The following NAALADL2 variants were observed in gnomAD, a reference collection of about 807,000 sequenced individuals.
NAALADL2 encodes inactive N-acetylated-alpha-linked acidic dipeptidase-like protein 2.
In NAALADL2, 76 loss-of-function variants were observed where a neutral mutation model predicts 87.2. The ratio of observed to expected loss-of-function variants is 0.87; its 90% CI spans 0.72 to 1.05. The LOEUF is 1.05. Ranked by LOEUF, NAALADL2 falls within the 50% of genes least tolerant of loss-of-function variation. The pLI is 0.00. For missense variants in NAALADL2, 1,089 were observed against 945.8 expected (o/e 1.15, Z -1.99); for synonymous variants, 354 against 331.0 (o/e 1.07, Z -0.75).
At chr3:175,511,106 A>G (rs758566381) in intron 9 of NAALADL2, among the ~76,000 whole-genome samples, 3 of 152,178 alleles carry the variant, frequency 2.0e-5, no homozygotes, top group Admixed American at 1.3e-4. Context: ...GTAAGATAGT[A>G]AAAGTCAAAT....
chr3:175,757,908 ATTTAC>A (rs1747473979), intron 13 of NAALADL2, among the ~76,000 whole-genome samples: 2 of 152,090 alleles, frequency 1.3e-5, no homozygotes, highest in Admixed American at 6.5e-5. Context: ...AAATTATTCT[ATTTAC>A]TTTAAAGAAA....
intron 5 of NAALADL2, among the ~76,000 whole-genome samples, chr3:175,371,342 A>G (rs1581624177): frequency 6.6e-6 from 1 of 152,086 alleles, no homozygotes; most frequent in African/African-American, 2.4e-5. Flanking sequence ...ATCTCGGCTC[A>G]CTGCAAGCTC....
chr3:175,230,051 G>A (rs997805779), intron 2 of NAALADL2, among the ~76,000 whole-genome samples: 4 of 151,922 alleles, frequency 2.6e-5, no homozygotes, highest in Admixed American at 6.6e-5. Context: ...ACTCATATAC[G>A]ACAGAGTTGT....
chr3:175,064,916 G>A (rs1050925285), intron 1 of NAALADL2, among the ~76,000 whole-genome samples: 2 of 151,916 alleles, frequency 1.3e-5, no homozygotes, highest in Non-Finnish European at 2.9e-5. Context: ...AAGCTTTTTT[G>A]TTACCTTAAG....
At chr3:175,802,627 T>C (rs531773823) in intron 13 of NAALADL2, among the ~76,000 whole-genome samples, 60 of 147,370 alleles carry the variant, frequency 4.1e-4, no homozygotes, top group Non-Finnish European at 7.3e-4. Context: ...ATCTATATTT[T>C]GCTAATGACA....
chr3:174,591,615 C>T (rs1405547322), intron 2 of NAALADL2, among the ~76,000 whole-genome samples: 1 of 152,144 alleles, frequency 6.6e-6, no homozygotes, highest in African/African-American at 2.4e-5. Flanking sequence ...CAAAGTTCAC[C>T]TTGCACACTT....
At chr3:174,566,348 A>G (rs1714260075) in intron 2 of NAALADL2, among the ~76,000 whole-genome samples, 1 of 151,792 alleles carries the variant, frequency 6.6e-6, no homozygotes, top group Non-Finnish European at 1.5e-5. Flanking sequence ...TAGTTTTCTG[A>G]GTTCTATTAC....
At chr3:175,640,103 A>G (rs1186447700) in intron 11 of NAALADL2, among the ~76,000 whole-genome samples, 1 of 152,246 alleles carries the variant, frequency 6.6e-6, no homozygotes, top group African/African-American at 2.4e-5. Context: ...GTATTTTATA[A>G]CAAAGAAAGG....
rs181245523 is a variant in NAALADL2 at position 174,626,565 on chromosome 3, A to C, written c.-115+75928A>C. ...CATTTTCCCATTTTATTTTTGAAGT[A>C]TTGTGTATAGTAACATTTTTCCATA... is the stretch of plus-strand genomic sequence containing the variant. On this transcript the variant is annotated intron_variant, in intron 2 of 3. Coordinates refer to the NAALADL2 transcript ENST00000434257. Among the ~76,000 whole-genome samples the C allele has an allele frequency of 7.8e-3, 1,187 of 152,080 alleles. 16 individuals are homozygous for C. The highest frequency in any genetic ancestry group is 0.027 in the African/African-American group (1,122 of 41,502).
At chr3:175,194,657 C>T (rs141406560) in intron 2 of NAALADL2, among the ~76,000 whole-genome samples, 6 of 151,800 alleles carry the variant, frequency 4.0e-5, no homozygotes, top group Non-Finnish European at 7.4e-5. Context: ...GTTTATTATG[C>T]AGCTTAGATG....
At chr3:175,574,657 A>G (rs1246919097) in intron 9 of NAALADL2, among the ~76,000 whole-genome samples, 1 of 152,124 alleles carries the variant, frequency 6.6e-6, no homozygotes, top group African/African-American at 2.4e-5. Flanking sequence ...TTCTCACTCT[A>G]GTAAGTCCAC....
chr3:174,885,602 A>G (rs571607919), intron 1 of NAALADL2, among the ~76,000 whole-genome samples: 60 of 152,288 alleles, frequency 3.9e-4, no homozygotes, highest in South Asian at 8.3e-4. Context: ...TATTAGAAGT[A>G]GAGTTCTTTG....
At chr3:175,765,444 A>G (rs1748565322) in intron 13 of NAALADL2, among the ~76,000 whole-genome samples, 1 of 152,110 alleles carries the variant, frequency 6.6e-6, no homozygotes, top group Admixed American at 6.6e-5. Flanking sequence ...AACAAAGAAC[A>G]TACCTCATTT....
chr3:175,239,786 G>A (rs1000004025), intron 3 of NAALADL2, among the ~76,000 whole-genome samples: 2 of 152,102 alleles, frequency 1.3e-5, no homozygotes, highest in East Asian at 3.9e-4. Context: ...AATGTGGGGT[G>A]GTCAGGTCAA....
In NAALADL2 at chr3:175,616,154, TG is replaced by T. The variant is rs1243836697; in HGVS notation, c.1801-11136del. Among the ~76,000 whole-genome samples the T allele has an allele frequency of 4.7e-5, 7 of 147,812 alleles. No individual in the cohort carries two copies. The Admixed American group carries it at 4.7e-4, about 10-fold the overall frequency. On this transcript the variant is annotated intron_variant, in intron 10 of 13. Transcript: ENST00000454872. ...TTTGATATATTATATAAATGATATA[TG>T]TTTTATATAATATAAATGTGTCTAT...
chr3:174,475,958 A>G (rs972512393), intron 1 of NAALADL2, among the ~76,000 whole-genome samples: 38 of 152,174 alleles, frequency 2.5e-4, no homozygotes, highest in African/African-American at 9.1e-4. Flanking sequence ...CAGAGAATAG[A>G]TATCTCTAGA....
chr3:175,153,474 T>C (rs1731856620), intron 2 of NAALADL2, among the ~76,000 whole-genome samples: 1 of 152,282 alleles, frequency 6.6e-6, no homozygotes, highest in Admixed American at 6.5e-5. Context: ...TCATATACAG[T>C]TTTTTAGTTC....
intron 2 of NAALADL2, among the ~76,000 whole-genome samples, chr3:174,733,156 T>A (rs1732860888): frequency 1.3e-5 from 2 of 152,166 alleles, no homozygotes; most frequent in African/African-American, 2.4e-5. Context: ...TAAATGTTGG[T>A]GTGACACTTA....
chr3:174,897,406 TA>T (rs796494534), intron 1 of NAALADL2, among the ~76,000 whole-genome samples: 5,003 of 139,648 alleles, frequency 0.036, 167 homozygotes, highest in African/African-American at 0.1. Context: ...GGCAAACTGG[TA>T]AAAAAAAAAA....
Sources: allele counts gnomAD v4.1 joint callset (sites outside exome capture counted in the v4.1 genomes callset), GRCh38; gene constraint gnomAD v4.1.1; transcripts MANE v1.5; gene names NCBI Gene and HGNC (gene_info 2026-07-23, HGNC 2026-07-21).